PIP5K1B: variants seen among roughly 807,000 people sequenced by gnomAD.
PIP5K1B encodes phosphatidylinositol-4-phosphate 5-kinase type 1 beta.
Under a neutral mutation model 67.0 loss-of-function variants are expected in PIP5K1B, and 42 were observed. That is an observed-to-expected ratio of 0.63 (90% CI 0.49 to 0.81). The LOEUF (loss-of-function observed/expected upper bound fraction) is 0.81. PIP5K1B is among the 30% of genes least tolerant of loss of function. The pLI is 0.00. For synonymous variants in PIP5K1B, 214 were observed against 231.4 expected (o/e 0.92, Z 0.68); for missense variants, 459 against 646.3 (o/e 0.71, Z 3.14).
intron 15 of PIP5K1B, among the ~76,000 whole-genome samples, chr9:68,991,970 T>A (rs947467270): frequency 1.1e-4 from 16 of 147,538 alleles, no homozygotes; most frequent in African/African-American, 3.2e-4. Context: ...CAAAAAAAAA[T>A]TTTTTTTGGG....
chr9:68,761,099 C>G (rs553467210), intron 2 of PIP5K1B, among the ~76,000 whole-genome samples: 1 of 152,054 alleles, frequency 6.6e-6, no homozygotes, highest in South Asian at 2.1e-4. Context: ...AGCTGTGAGG[C>G]CTGGAGTATG....
At chr9:68,801,136 A>C (rs552191472) in intron 2 of PIP5K1B, among the ~76,000 whole-genome samples, 1 of 152,260 alleles carries the variant, frequency 6.6e-6, no homozygotes, top group South Asian at 2.1e-4. Flanking sequence ...TGATAAGGCA[A>C]ATTTAATTTG....
chr9:68,772,729 T>A (rs1442258837), intron 2 of PIP5K1B, among the ~76,000 whole-genome samples: 1 of 152,062 alleles, frequency 6.6e-6, no homozygotes, highest in African/African-American at 2.4e-5. Flanking sequence ...CCACAGAAAA[T>A]GTATAGCTCT....
chr9:68,753,391 G>GT (rs1382081615), intron 2 of PIP5K1B, among the ~76,000 whole-genome samples: 13 of 148,990 alleles, frequency 8.7e-5, no homozygotes, highest in Non-Finnish European at 1.6e-4. Flanking sequence ...TTAGGCTGGA[G>GT]TGCAGTGGCA....
At chr9:68,715,645 GC>G (rs1362913740) in intron 1 of PIP5K1B, among the ~76,000 whole-genome samples, 1 of 152,060 alleles carries the variant, frequency 6.6e-6, no homozygotes, top group Non-Finnish European at 1.5e-5. Context: ...AATCATCAGG[GC>G]CCATTGCATC....
chr9:69,006,568 G>A (rs1831091786), intron 15 of PIP5K1B, among the ~76,000 whole-genome samples: 1 of 152,190 alleles, frequency 6.6e-6, no homozygotes, highest in South Asian at 2.1e-4. Flanking sequence ...AGTCTTCAGA[G>A]ACTCAAAGAC....
chr9:68,780,940 C>T (rs765510131), intron 2 of PIP5K1B: 8 of 1,614,008 alleles, frequency 5.0e-6, no homozygotes, highest in African/African-American at 1.3e-5. Context: ...AACTCACCAG[C>T]GAAAGTCAGC....
At position 68,752,531 on chromosome 9, in the gene PIP5K1B, C is replaced by A. The variant is rs1829685659; in HGVS notation, c.-86+9874C>A. Among the ~76,000 whole-genome samples the A allele has an allele frequency of 3.3e-5, 5 of 151,626 alleles. No individual in the cohort carries two copies. In the South Asian group the frequency reaches 1.0e-3, roughly 32 times the overall value. On this transcript the variant is annotated intron_variant, in intron 2 of 15. Transcript: ENST00000265382. ...TCTTTTTCTTTCTTTCCCTCCCTTGCTGTCTGCCTTGCTCCTTCTCTTCCT... is the reference window on the plus strand; with the variant it reads ...TCTTTTTCTTTCTTTCCCTCCCTTGATGTCTGCCTTGCTCCTTCTCTTCCT...
intron 4 of PIP5K1B, among the ~76,000 whole-genome samples, chr9:68,857,753 G>A (rs1822851851): frequency 6.6e-6 from 1 of 152,184 alleles, no homozygotes; most frequent in Non-Finnish European, 1.5e-5. Flanking sequence ...TGAAGTCACA[G>A]CTACTTGGGA....
chr9:68,968,757 A>G (rs1237742428), intron 14 of PIP5K1B, among the ~76,000 whole-genome samples: 1 of 150,526 alleles, frequency 6.6e-6, no homozygotes, highest in Non-Finnish European at 1.5e-5. Flanking sequence ...TTGCTTAGTA[A>G]ATGTCACATC....
At chr9:68,914,368 C>T (rs191194270) in intron 8 of PIP5K1B, among the ~76,000 whole-genome samples, 130 of 152,232 alleles carry the variant, frequency 8.5e-4, no homozygotes, top group African/African-American at 3.0e-3. Flanking sequence ...AGCCAGCTTA[C>T]TGCTTTGGAG....
intron 4 of PIP5K1B, among the ~76,000 whole-genome samples, chr9:68,825,816 T>G (rs2132084791): frequency 6.6e-6 from 1 of 152,294 alleles, no homozygotes; most frequent in South Asian, 2.1e-4. Flanking sequence ...CCAATGTTGT[T>G]AGAATTAAGC....
At chr9:68,854,798 G>A (rs952422347) in intron 4 of PIP5K1B, among the ~76,000 whole-genome samples, 1 of 152,036 alleles carries the variant, frequency 6.6e-6, no homozygotes, top group African/African-American at 2.4e-5. Flanking sequence ...CTAATATCCC[G>A]CTATCCAGAA....
chr9:68,797,793 T>C (rs1356815458), intron 2 of PIP5K1B, among the ~76,000 whole-genome samples: 1 of 151,950 alleles, frequency 6.6e-6, no homozygotes, highest in African/African-American at 2.4e-5. Context: ...CTCCAAAATG[T>C]GATAAAGATC....
chr9:68,708,707 G>C lies in PIP5K1B; in HGVS notation c.-243+2945G>C, dbSNP rs369731665. ...TTTCAGGAGATGCTAATACTGTCTC[G>C]TGGTTTCAGAGGGGGAACCTAGTTA... On this transcript the variant is annotated intron_variant, in intron 1 of 15. Transcript: ENST00000265382. Among the ~76,000 whole-genome samples the C allele has an allele frequency of 2.6e-5, 4 of 152,134 alleles. No individual in the cohort carries two copies. In the South Asian group the frequency reaches 6.2e-4, roughly 24 times the overall value.
intron 8 of PIP5K1B, among the ~76,000 whole-genome samples, chr9:68,915,450 G>A (rs1448378435): frequency 6.6e-6 from 1 of 152,170 alleles, no homozygotes; most frequent in Non-Finnish European, 1.5e-5. Context: ...TCTTTTAAGA[G>A]TCTGGCCCTT....
At chr9:68,855,561 C>A (rs1822724762) in intron 4 of PIP5K1B, among the ~76,000 whole-genome samples, 1 of 152,210 alleles carries the variant, frequency 6.6e-6, no homozygotes. Flanking sequence ...TCAGTCCTCT[C>A]AACTGCTGAA....
intron 2 of PIP5K1B, among the ~76,000 whole-genome samples, chr9:68,765,782 C>T (rs984320098): frequency 6.6e-6 from 1 of 152,128 alleles, no homozygotes; most frequent in African/African-American, 2.4e-5. Flanking sequence ...GAAGAATGAT[C>T]ATACCAAGGT....
At chr9:68,781,926 C>G (rs1011508897) in intron 2 of PIP5K1B, 1 of 166,890 alleles carries the variant, frequency 6.0e-6, no homozygotes, top group Non-Finnish European at 1.5e-5. Context: ...CTTTGGCGCA[C>G]TCAGGTAAAC....
Sources: gnomAD v4.1 joint callset for allele counts (sites outside exome capture counted in the v4.1 genomes callset) on GRCh38, gnomAD v4.1.1 for gene constraint, MANE v1.5 for transcripts, NCBI Gene and HGNC (gene_info 2026-07-23, HGNC 2026-07-21) for gene names.